Variants in CKAP5 observed in about 807,000 individuals in gnomAD.
The protein encoded by CKAP5 is cytoskeleton associated protein 5.
Under a neutral mutation model 232.8 loss-of-function variants are expected in CKAP5, and 27 were observed. That is an observed-to-expected ratio of 0.12 (90% confidence interval 0.09 to 0.16). CKAP5 has a LOEUF of 0.16. Among genes scored for constraint, CKAP5 ranks in the 10% least tolerant of loss-of-function variants. The pLI is 1.00. For missense variants in CKAP5, 1,838 were observed against 2,424.7 expected, an observed-to-expected ratio of 0.76 and a Z score of 5.08; for synonymous variants, 785 against 841.1, an observed-to-expected ratio of 0.93 and a Z score of 1.16.
At chr11:46,827,775 T>C (rs905550054) in intron 1 of CKAP5, among the ~76,000 whole-genome samples, 3 of 152,256 alleles carry the variant, frequency 2.0e-5, no homozygotes, top group Non-Finnish European at 4.4e-5. Flanking sequence ...TCTAATTTAA[T>C]ATGAAGAGTT....
chr11:46,755,704 G>A (rs1390891995), intron 35 of CKAP5, among the ~76,000 whole-genome samples: 1 of 151,800 alleles, frequency 6.6e-6, no homozygotes, highest in Non-Finnish European at 1.5e-5. Context: ...CAAGGTAGGT[G>A]AGTCACTTGA....
intron 26 of CKAP5, 35 bp from the exon 27 acceptor site, chr11:46,767,698 T>TG: frequency 2.3e-6 from 3 of 1,282,136 alleles, no homozygotes; most frequent in Non-Finnish European, 3.3e-6. Flanking sequence ...ACTATAAACT[T>TG]TAACTAATAT....
At chr11:46,809,703 G>A (rs1939233253) in intron 6 of CKAP5, 39 bp downstream of exon 6, 1 of 1,611,460 alleles carries the variant, frequency 6.2e-7, no homozygotes. Flanking sequence ...GCCAGTTCTT[G>A]CTAATTTTTG....
intron 24 of CKAP5, among the ~76,000 whole-genome samples, chr11:46,771,755 TG>T (rs2065249327): frequency 6.6e-6 from 1 of 152,232 alleles, no homozygotes; most frequent in Non-Finnish European, 1.5e-5. Context: ...CATAGATTTT[TG>T]TATGGATATA....
intron 27 of CKAP5, 118 bp from the exon 28 acceptor site, chr11:46,765,374 C>T (rs2065194050): frequency 2.0e-5 from 18 of 910,396 alleles, no homozygotes; most frequent in Non-Finnish European, 2.3e-5. Flanking sequence ...CGTGATATTT[C>T]ACATGAAAAA....
chr11:46,804,698 T>C (rs1939113090), intron 8 of CKAP5, among the ~76,000 whole-genome samples: 1 of 152,036 alleles, frequency 6.6e-6, no homozygotes, highest in African/African-American at 2.4e-5. Flanking sequence ...CATTATGAAT[T>C]ACTGTGTTTA....
At chr11:46,829,872 G>A (rs1007307013) in intron 1 of CKAP5, among the ~76,000 whole-genome samples, 3 of 149,676 alleles carry the variant, frequency 2.0e-5, no homozygotes, top group African/African-American at 5.0e-5. Context: ...GTGTGTGTGT[G>A]TGTGTGTGTG....
chr11:46,844,215 C>CTT (rs1434095427), intron 1 of CKAP5, among the ~76,000 whole-genome samples: 1 of 147,362 alleles, frequency 6.8e-6, no homozygotes, highest in Non-Finnish European at 1.5e-5. Flanking sequence ...GAGCAAGACT[C>CTT]TGTCTTAAAA....
At chr11:46,779,194 C>CA (rs1458571439) in intron 20 of CKAP5, among the ~76,000 whole-genome samples, 1 of 152,034 alleles carries the variant, frequency 6.6e-6, no homozygotes, top group Non-Finnish European at 1.5e-5. Flanking sequence ...AGTGCAGTGG[C>CA]ATGATCTTGG....
At chr11:46,752,446 G>A (rs1426948147) in intron 38 of CKAP5, among the ~76,000 whole-genome samples, 189 bp downstream of exon 38, 2 of 151,236 alleles carry the variant, frequency 1.3e-5, no homozygotes, top group African/African-American at 4.9e-5. Flanking sequence ...GCTACTATAG[G>A]TGCATGCCAC....
chr11:46,802,728 G>A (rs1939063738), intron 8 of CKAP5, among the ~76,000 whole-genome samples: 1 of 152,058 alleles, frequency 6.6e-6, no homozygotes, highest in Non-Finnish European at 1.5e-5. Flanking sequence ...ACAATGTGGT[G>A]TTCCATAAGC....
At chr11:46,795,503 T>C in intron 13 of CKAP5, 91 bp downstream of exon 13, 10 of 1,052,500 alleles carry the variant, frequency 9.5e-6, no homozygotes, top group South Asian at 1.8e-5. Flanking sequence ...AATGAATTCA[T>C]TTCTCAAACA....
chr11:46,829,247 C>G (rs920300977), intron 1 of CKAP5, among the ~76,000 whole-genome samples: 1 of 152,178 alleles, frequency 6.6e-6, no homozygotes, highest in African/African-American at 2.4e-5. Context: ...TCAGCCTATT[C>G]GACATGAGGA....
intron 16 of CKAP5, among the ~76,000 whole-genome samples, chr11:46,788,069 A>G (rs901591164): frequency 2.0e-5 from 3 of 152,240 alleles, no homozygotes; most frequent in Admixed American, 2.0e-4. Context: ...TACAATATAC[A>G]ATACATGTAC....
At position 46,752,625 on chromosome 11, in the gene CKAP5, T is replaced by TC. The variant is rs1347680886; in HGVS notation, c.5133+9dup. 10 of 1,604,714 alleles carry TC rather than the reference T, an allele frequency of 6.2e-6. No individual in the cohort carries two copies. In the Admixed American group the frequency reaches 1.3e-4, roughly 22 times the overall value. ...TTGAAAGAAAAGAGATCAAATCATT[T>TC]CAACTTCACCTTCATAACAAGCTCT... On this transcript the variant is annotated intron_variant, in intron 38 of 43. Transcript: ENST00000529230.
intron 9 of CKAP5, among the ~76,000 whole-genome samples, chr11:46,800,916 G>A (rs934760182): frequency 2.0e-5 from 3 of 152,098 alleles, no homozygotes; most frequent in African/African-American, 7.2e-5. Flanking sequence ...AACAAAGCAA[G>A]ATACTAGTAA....
Position 46,760,420 on chromosome 11 carries a change from AG to A in CKAP5, c.4394+191del, listed in dbSNP as rs1218914262. Reference sequence around the variant, plus strand: ...GAAAGAAGGCACAAGACCATTTAGAAGTGGTTTTGAGACAAAGACAAAGACA... The same window carrying A: ...GAAAGAAGGCACAAGACCATTTAGAATGGTTTTGAGACAAAGACAAAGACA... On this transcript the variant is annotated intron_variant, in intron 33 of 43. Coordinates refer to ENST00000529230, the MANE Select transcript of CKAP5 (RefSeq NM_001008938.4). 3 of 688,606 alleles carry A rather than the reference AG, an allele frequency of 4.4e-6. No homozygotes were observed. In the Admixed American group the frequency reaches 6.8e-5, roughly 16 times the overall value. 42.7% of individuals were successfully genotyped at this position (688,606 alleles called of 1,614,324 possible).
At chr11:46,773,786 T>C (rs1052452534) in intron 24 of CKAP5, among the ~76,000 whole-genome samples, 1 of 150,694 alleles carries the variant, frequency 6.6e-6, no homozygotes, top group African/African-American at 2.4e-5. Flanking sequence ...TCAAGTGATC[T>C]GCTTGCTCGG....
chr11:46,771,961 C>G (rs2065250842), intron 24 of CKAP5, among the ~76,000 whole-genome samples: 1 of 151,586 alleles, frequency 6.6e-6, no homozygotes, highest in Admixed American at 6.6e-5. Flanking sequence ...TTTAGCAATT[C>G]TGATGATTGT....
Sources: allele counts gnomAD v4.1 joint callset (sites outside exome capture counted in the v4.1 genomes callset), GRCh38; gene constraint gnomAD v4.1.1; transcripts MANE v1.5; gene names NCBI Gene and HGNC (gene_info 2026-07-23, HGNC 2026-07-21).